FGF10: variants seen among roughly 807,000 people sequenced by gnomAD.
FGF10 encodes fibroblast growth factor 10, also known as FGF-10.
A neutral mutation model predicts 19.8 loss-of-function variants in FGF10; 2 were observed. The observed-to-expected ratio is 0.10, with a 90% CI of 0.04 to 0.32. The LOEUF (loss-of-function observed/expected upper bound fraction) is 0.32, where lower values mean the gene tolerates loss of function less well. Ranked by LOEUF, FGF10 falls within the 10% of genes least tolerant of loss-of-function variation. The pLI is 1.00. For missense variants in FGF10, 191 were observed against 246.3 expected, an observed-to-expected ratio of 0.78 and a Z score of 1.50; for synonymous variants, 112 against 94.0, an observed-to-expected ratio of 1.19 and a Z score of -1.10.
chr5:44,382,792 C>T (rs1357908227), intron 1 of FGF10, among the ~76,000 whole-genome samples: 2 of 151,902 alleles, frequency 1.3e-5, no homozygotes, highest in Non-Finnish European at 2.9e-5. Context: ...TTGTATATTC[C>T]ATCTTACTGT....
chr5:44,333,937 G>A (rs1280366737), intron 1 of FGF10, among the ~76,000 whole-genome samples: 2 of 152,092 alleles, frequency 1.3e-5, no homozygotes, highest in East Asian at 1.9e-4. Flanking sequence ...TTTAAGTTTG[G>A]TTCCCTACTC....
intron 1 of FGF10, among the ~76,000 whole-genome samples, chr5:44,332,538 T>C (rs1180650648): frequency 6.6e-6 from 1 of 152,138 alleles, no homozygotes; most frequent in Non-Finnish European, 1.5e-5. Flanking sequence ...ATAAATGCAA[T>C]GCCAGTGGTA....
rs752268349 is a variant in FGF10 at position 44,310,579 on chromosome 5, T to G, written c.326-49A>C. On this transcript the variant is annotated intron_variant, in intron 1 of 2. Coordinates refer to ENST00000264664, the MANE Select transcript of FGF10 (RefSeq NM_004465.2). ...CTAAATAAAGAATCCTAAATATATTTGGAAGAAAAGTAAAATCAAAAGAAA... is the reference window on the plus strand; with the variant it reads ...CTAAATAAAGAATCCTAAATATATTGGGAAGAAAAGTAAAATCAAAAGAAA... 35 of 1,355,426 alleles carry G rather than the reference T, an allele frequency of 2.6e-5. 1 individual carries two copies. In the South Asian group the frequency reaches 3.8e-4, roughly 15 times the overall value. The allele number at this position is 1,355,426 out of a possible 1,614,324, so 84.0% of individuals were successfully genotyped here. A position where few individuals can be genotyped will look rare whatever the true frequency, so the allele number is the denominator to read the frequency against.
chr5:44,323,907 G>A (rs545155012), intron 1 of FGF10, among the ~76,000 whole-genome samples: 57 of 152,254 alleles, frequency 3.7e-4, no homozygotes, highest in African/African-American at 1.4e-3. Context: ...CACATTTTAT[G>A]TGGGAATTGG....
At chr5:44,367,068 T>A (rs1204445250) in intron 1 of FGF10, among the ~76,000 whole-genome samples, 3 of 152,080 alleles carry the variant, frequency 2.0e-5, no homozygotes, top group Non-Finnish European at 4.4e-5. Context: ...GTGAGAAGGT[T>A]AAAAATCTTT....
chr5:44,307,117 T>G (rs1324482052), intron 2 of FGF10, among the ~76,000 whole-genome samples: 2 of 152,206 alleles, frequency 1.3e-5, no homozygotes, highest in African/African-American at 2.4e-5. Context: ...TGCTTAATGT[T>G]AATTTTCCTC....
intron 1 of FGF10, among the ~76,000 whole-genome samples, chr5:44,378,240 A>G (rs959052377): frequency 5.9e-5 from 9 of 152,176 alleles, no homozygotes; most frequent in Admixed American, 5.2e-4. Flanking sequence ...ATATGAGGAC[A>G]GGTTTGGAAT....
rs889098331 is a variant in FGF10 at position 44,316,291 on chromosome 5, G to C, written c.326-5761C>G. On this transcript the variant is annotated intron_variant, in intron 1 of 2. Transcript: ENST00000264664. ...AGTCTCTGCTGCCAAAAAGGTTGGGGACCGCTGGCCTATAGCTCATAGGGT... is the reference window on the plus strand; with the variant it reads ...AGTCTCTGCTGCCAAAAAGGTTGGGCACCGCTGGCCTATAGCTCATAGGGT... Among the ~76,000 whole-genome samples the C allele has an allele frequency of 2.6e-5, 4 of 152,116 alleles. 1 individual carries two copies. Among genetic ancestry groups the C allele is most frequent in the Admixed American group, 2.6e-4 (4 of 15,260 alleles).
At position 44,303,642 on chromosome 5, in the gene FGF10, G is replaced by T. The variant is rs1274437188; in HGVS notation, c.*1353C>A. 6 of 152,132 alleles carry T rather than the reference G, an allele frequency of 3.9e-5. No homozygotes were observed. Among genetic ancestry groups the T allele is most frequent in the African/African-American group, 1.4e-4 (6 of 41,496 alleles). 9.4% of individuals were successfully genotyped at this position (152,132 alleles called of 1,614,324 possible). On this transcript the variant is annotated 3_prime_UTR_variant, in exon 3 of 3. Coordinates refer to ENST00000264664, the MANE Select transcript of FGF10 (RefSeq NM_004465.2). ...GCTCTAACAAAATGAATTTTGATATGGTTACATTATGGAACTTTGTAAAGC... is the reference window on the plus strand; with the variant it reads ...GCTCTAACAAAATGAATTTTGATATTGTTACATTATGGAACTTTGTAAAGC...
chr5:44,310,386 G>C (rs1349236758), intron 2 of FGF10, 41 bp downstream of exon 2: 3 of 1,375,674 alleles, frequency 2.2e-6, no homozygotes, highest in Non-Finnish European at 3.1e-6. Flanking sequence ...TATGGTAATG[G>C]TTTACTGGAG....
chr5:44,357,070 G>T (rs994838191), intron 1 of FGF10, among the ~76,000 whole-genome samples: 2 of 151,154 alleles, frequency 1.3e-5, no homozygotes, highest in Middle Eastern at 3.2e-3. Flanking sequence ...GTAGGTAAGA[G>T]ATGCCATTTA....
intron 1 of FGF10, among the ~76,000 whole-genome samples, chr5:44,319,478 T>G (rs1268850369): frequency 6.6e-6 from 1 of 152,128 alleles, no homozygotes; most frequent in African/African-American, 2.4e-5. Context: ...AAAGTCTTAC[T>G]TGATGCATTA....
chr5:44,359,749 A>T (rs1446335733), intron 1 of FGF10, among the ~76,000 whole-genome samples: 1 of 151,440 alleles, frequency 6.6e-6, no homozygotes, highest in Non-Finnish European at 1.5e-5. Context: ...ATTTTGTTAC[A>T]TGTGTAATGG....
chr5:44,381,200 G>C (rs563045617), intron 1 of FGF10, among the ~76,000 whole-genome samples: 11 of 152,208 alleles, frequency 7.2e-5, no homozygotes, highest in Admixed American at 2.0e-4. Context: ...TTACAGCAGA[G>C]CTTAAAAGAA....
chr5:44,385,112 A>G (rs1292777211), intron 1 of FGF10, among the ~76,000 whole-genome samples: 1 of 152,114 alleles, frequency 6.6e-6, no homozygotes, highest in African/African-American at 2.4e-5. Flanking sequence ...AACCTAAATG[A>G]GCCTACACAT....
intron 1 of FGF10, among the ~76,000 whole-genome samples, chr5:44,355,429 A>T (rs1210668261): frequency 6.6e-6 from 1 of 151,342 alleles, no homozygotes; most frequent in Non-Finnish European, 1.5e-5. Flanking sequence ...TCTCAAGTAG[A>T]ACAGAGAGCT....
At chr5:44,371,381 T>G (rs1579939511) in intron 1 of FGF10, among the ~76,000 whole-genome samples, 1 of 152,086 alleles carries the variant, frequency 6.6e-6, no homozygotes, top group African/African-American at 2.4e-5. Context: ...TTGTTTCTTA[T>G]AAATTGCCCA....
Position 44,385,336 on chromosome 5 carries a change from C to T in FGF10, c.325+3022G>A, listed in dbSNP as rs145574300. ...ACGCATGTAGTCTTTTTAGAACCAT[C>T]GAATTTCTGGGAACTAGCTTTGAAA... is the stretch of plus-strand genomic sequence containing the variant. On this transcript the variant is annotated intron_variant, in intron 1 of 2. Coordinates refer to ENST00000264664, the MANE Select transcript of FGF10 (RefSeq NM_004465.2). Among the ~76,000 whole-genome samples the T allele has an allele frequency of 2.6e-3, 396 of 152,148 alleles. 3 individuals are homozygous for T. The highest frequency in any genetic ancestry group is 9.1e-3 in the African/African-American group (379 of 41,512).
chr5:44,315,527 C>T (rs1740320817), intron 1 of FGF10, among the ~76,000 whole-genome samples: 1 of 151,946 alleles, frequency 6.6e-6, no homozygotes, highest in South Asian at 2.1e-4. Flanking sequence ...GAGGAATGTA[C>T]TTTCCAAAAA....
Sources: allele counts gnomAD v4.1 joint callset (sites outside exome capture counted in the v4.1 genomes callset), GRCh38; gene constraint gnomAD v4.1.1; transcripts MANE v1.5; gene names NCBI Gene and HGNC (gene_info 2026-07-23, HGNC 2026-07-21).